The following GPATCH11 variants were observed in gnomAD, a reference collection of about 807,000 sequenced individuals.
GPATCH11 encodes the protein G patch domain-containing protein 11.
GPATCH11 carries 32 observed loss-of-function variants against 44.8 expected under a neutral mutation model. The observed-to-expected ratio is 0.71, with a 90% confidence interval of 0.54 to 0.96. The LOEUF is 0.96. Ranked by LOEUF, GPATCH11 falls within the 40% of genes least tolerant of loss-of-function variation. GPATCH11 has a pLI of 0.00. For missense variants in GPATCH11, 324 were observed against 303.1 expected (o/e 1.07, Z -0.51); for synonymous variants, 84 against 94.4 (o/e 0.89, Z 0.64).
Position 37,097,824 on chromosome 2 carries a change from T to C in GPATCH11, c.*1561T>C, listed in dbSNP as rs965607711. 2 of 152,258 alleles carry C rather than the reference T, an allele frequency of 1.3e-5. No individual in the cohort carries two copies. Among genetic ancestry groups the C allele is most frequent in the African/African-American group, 4.8e-5 (2 of 41,476 alleles). The allele number at this position is 152,258 out of a possible 1,614,324, so 9.4% of individuals were successfully genotyped here. On this transcript the variant is annotated 3_prime_UTR_variant, in exon 9 of 9. Transcript: ENST00000674370. ...AGGGTCCCATCCCAAGAGATTCTGA[T>C]GCCATTAGTCACTGTGACTTGGGCA...
At chr2:37,093,613 A>G (rs1010291769) in intron 6 of GPATCH11, among the ~76,000 whole-genome samples, 2 of 152,184 alleles carry the variant, frequency 1.3e-5, no homozygotes, top group African/African-American at 4.8e-5. Flanking sequence ...ACAACTGCAC[A>G]ATTCTAAAGA....
chr2:37,096,368 G>T lies in GPATCH11; in HGVS notation c.*105G>T. ...ATTTTTTATGCCAGTAAAGAAAGGG[G>T]GACTTTATATAATGTTTTGTTCTTT... On this transcript the variant is annotated 3_prime_UTR_variant, in exon 9 of 9. Coordinates refer to ENST00000674370, the MANE Select transcript of GPATCH11 (RefSeq NM_174931.4). 2 of 683,244 alleles carry T rather than the reference G, an allele frequency of 2.9e-6. No homozygotes were observed. Among genetic ancestry groups the T allele is most frequent in the South Asian group, 1.8e-5 (1 of 56,908 alleles). The allele number at this position is 683,244 out of a possible 1,614,324, so 42.3% of individuals were successfully genotyped here.
In GPATCH11 at chr2:37,096,284, A is replaced by G. The variant is rs56020915; in HGVS notation, c.*21A>G. On this transcript the variant is annotated 3_prime_UTR_variant, in exon 9 of 9. Transcript: ENST00000674370. Reference sequence around the variant, plus strand: ...ACTAAGATTATTCCCAATAAAGTGGAAACTTGAAAAATGTTATTACTTCCT... The same window carrying G: ...ACTAAGATTATTCCCAATAAAGTGGGAACTTGAAAAATGTTATTACTTCCT... 0.13 allele frequency: 192,053 copies of G among 1,499,466 alleles called. 13,433 individuals are homozygous for G. Among genetic ancestry groups the G allele is most frequent in the South Asian group, 0.15 (12,202 of 80,468 alleles). 92.9% of individuals were successfully genotyped at this position (1,499,466 alleles called of 1,614,324 possible).
At chr2:37,090,949 T>C (rs1450768000) in intron 4 of GPATCH11, among the ~76,000 whole-genome samples, 1 of 152,170 alleles carries the variant, frequency 6.6e-6, no homozygotes, top group Non-Finnish European at 1.5e-5. Flanking sequence ...ATTACAACCA[T>C]TGAATGTGCA....
At chr2:37,089,582 A>AT (rs1673210582) in intron 2 of GPATCH11, 58 bp from the exon 3 acceptor site, 2 of 1,281,140 alleles carry the variant, frequency 1.6e-6, no homozygotes, top group African/African-American at 3.0e-5. Flanking sequence ...AATAAAAAAA[A>AT]AAAAAAAGAA....
At chr2:37,095,859 T>G (rs1478991240) in intron 8 of GPATCH11, among the ~76,000 whole-genome samples, 1 of 152,224 alleles carries the variant, frequency 6.6e-6, no homozygotes, top group African/African-American at 2.4e-5. Context: ...GAGCTAATTT[T>G]TATATACTTA....
intron 7 of GPATCH11, 122 bp from the exon 8 acceptor site, chr2:37,095,315 A>G: frequency 8.3e-7 from 1 of 1,208,520 alleles, no homozygotes; most frequent in Non-Finnish European, 1.1e-6. Context: ...TGACATTTCT[A>G]ATAACTATTC....
Position 37,094,066 on chromosome 2 carries a change from ACTT to A in GPATCH11, c.541-13_541-11del, listed in dbSNP as rs1243610665. On this transcript the variant is annotated splice_polypyrimidine_tract_variant and intron_variant, in intron 6 of 8. Coordinates refer to ENST00000674370, the MANE Select transcript of GPATCH11 (RefSeq NM_174931.4). ...ATGTTTAGTATGTTTAATTGAGACT[ACTT>A]CTGCATTTTCAGAATATTCAGGTTC... is the stretch of plus-strand genomic sequence containing the variant. 1 of 1,412,570 alleles carries A rather than the reference ACTT, an allele frequency of 7.1e-7. No homozygotes were observed. 87.5% of individuals were successfully genotyped at this position (1,412,570 alleles called of 1,614,324 possible). A position where few individuals can be genotyped will look rare whatever the true frequency, so the allele number is the denominator to read the frequency against.
intron 1 of GPATCH11, among the ~76,000 whole-genome samples, chr2:37,086,267 T>C (rs1350121887): frequency 6.6e-6 from 1 of 152,226 alleles, no homozygotes; most frequent in Non-Finnish European, 1.5e-5. Flanking sequence ...AAGCTGTACA[T>C]TTGTTTTATG....
chr2:37,094,752 GCCAA>G (rs1673492441), intron 7 of GPATCH11, among the ~76,000 whole-genome samples: 1 of 152,032 alleles, frequency 6.6e-6, no homozygotes, highest in Non-Finnish European at 1.5e-5. Context: ...GACCAGCCTG[GCCAA>G]CATGGTAGTG....
chr2:37,091,405 A>T (rs1024788877), intron 4 of GPATCH11, among the ~76,000 whole-genome samples: 8 of 151,550 alleles, frequency 5.3e-5, no homozygotes, highest in African/African-American at 1.9e-4. Context: ...CAAAAAATTT[A>T]AAAAATTAAC....
chr2:37,085,989 G>C (rs1205515108), intron 1 of GPATCH11, among the ~76,000 whole-genome samples: 1 of 152,114 alleles, frequency 6.6e-6, no homozygotes, highest in African/African-American at 2.4e-5. Context: ...TCTCCATAGA[G>C]CTTCTTGAGT....
In GPATCH11 at chr2:37,091,939, G is replaced by T; in HGVS notation, c.352G>T (p.Ala118Ser). 6.2e-7 allele frequency: 1 copy of T among 1,612,106 alleles called. No homozygotes were observed. Among genetic ancestry groups the T allele is most frequent in the Non-Finnish European group, 8.5e-7 (1 of 1,178,634 alleles). Residue 118 changes from alanine to serine, a missense_variant, in exon 5 of 9, where the codon GCA (alanine) becomes TCA (serine). Physicochemically the swap from Ala to Ser is moderately conservative, Grantham distance 99. Transcript: ENST00000674370. ...KTGKSGIGHE[A>S]SLKRKAEEKL... ...AGGGAAAAGTGGCATTGGTCATGAG[G>T]CATCATTAAAACGGAAAGCAGAGGA...
At position 37,097,802 on chromosome 2, in the gene GPATCH11, G is replaced by A. The variant is rs1018957435; in HGVS notation, c.*1539G>A. 3.9e-5 allele frequency: 6 copies of A among 152,110 alleles called. No homozygotes were observed. Among genetic ancestry groups the A allele is most frequent in the Non-Finnish European group, 8.8e-5 (6 of 68,024 alleles). 9.4% of individuals were successfully genotyped at this position (152,110 alleles called of 1,614,324 possible). A position where few individuals can be genotyped will look rare whatever the true frequency, so the allele number is the denominator to read the frequency against. On this transcript the variant is annotated 3_prime_UTR_variant, in exon 9 of 9. Transcript: ENST00000674370. ...AGCTTTACAAAATAGTAATAAAAGG[G>A]TCCCATCCCAAGAGATTCTGATGCC...
intron 1 of GPATCH11, 75 bp downstream of exon 1, chr2:37,084,645 A>C (rs143944589): frequency 3.0e-5 from 34 of 1,123,646 alleles, no homozygotes; most frequent in African/African-American, 1.9e-4. Context: ...GGCCATGACT[A>C]CCGTATCACA....
At chr2:37,095,366 C>T in intron 7 of GPATCH11, 71 bp from the exon 8 acceptor site, 1 of 1,508,916 alleles carries the variant, frequency 6.6e-7, no homozygotes, top group South Asian at 1.3e-5. Flanking sequence ...GCTAATTCGG[C>T]ACGATCTAAG....
Position 37,090,712 on chromosome 2 carries a change from T to C in GPATCH11, c.318T>C (p.Asn106=). The change falls in exon 4 of 9, where the codon AAT becomes AAC. Residue 106 remains asparagine (N), a synonymous_variant. Coordinates refer to ENST00000674370, the MANE Select transcript of GPATCH11 (RefSeq NM_174931.4). ...GGGIVEPIPL[N]IKTGKSGIGH... is the part of the protein sequence containing the mutation. The stretch of plus-strand genomic sequence containing the variant: ...GTATTGTTGAACCAATTCCTCTCAA[T>C]ATCAAAACAGGTACGTAATTATTTT... The C allele has an allele frequency of 6.9e-7, 1 of 1,453,236 alleles. No individual in the cohort carries two copies. The highest frequency in any genetic ancestry group is 9.4e-7 in the Non-Finnish European group (1 of 1,062,644). The allele number at this position is 1,453,236 out of a possible 1,614,324, so 90.0% of individuals were successfully genotyped here.
intron 6 of GPATCH11, 75 bp from the exon 7 acceptor site, chr2:37,094,007 T>C (rs1403814509): frequency 3.2e-6 from 3 of 932,218 alleles, no homozygotes; most frequent in Non-Finnish European, 5.1e-6. Flanking sequence ...AAAGAATGAA[T>C]TCATGTTGAC....
chr2:37,087,040 T>C (rs1325986711), intron 1 of GPATCH11, among the ~76,000 whole-genome samples: 4 of 152,180 alleles, frequency 2.6e-5, no homozygotes, highest in African/African-American at 7.2e-5. Flanking sequence ...GATCCCTTCA[T>C]GGGGCCAAGA....
Sources: allele counts gnomAD v4.1 joint callset (sites outside exome capture counted in the v4.1 genomes callset), GRCh38; gene constraint gnomAD v4.1.1; transcripts MANE v1.5; gene names NCBI Gene and HGNC (gene_info 2026-07-23, HGNC 2026-07-21).